HELQ: variants seen among roughly 807,000 people sequenced by gnomAD.
The protein encoded by HELQ is helicase, POLQ like.
In HELQ, 77 loss-of-function variants were observed where a neutral mutation model predicts 111.6. That is an observed-to-expected ratio of 0.69 (90% CI 0.57 to 0.83). The LOEUF (loss-of-function observed/expected upper bound fraction) is 0.83. HELQ is among the 40% of genes least tolerant of loss of function. The pLI, the probability that HELQ is intolerant of heterozygous loss-of-function variation, is 0.00. For synonymous variants in HELQ, 438 were observed against 454.7 expected, an observed-to-expected ratio of 0.96 and a Z score of 0.47; for missense variants, 1,200 against 1,288.5, an observed-to-expected ratio of 0.93 and a Z score of 1.05.
intron 5 of HELQ, among the ~76,000 whole-genome samples, chr4:83,445,126 G>C (rs1720984754): frequency 6.6e-6 from 1 of 152,212 alleles, no homozygotes; most frequent in Non-Finnish European, 1.5e-5. Context: ...GCTGGCTGGA[G>C]AGTGGTGGCT....
intron 8 of HELQ, among the ~76,000 whole-genome samples, chr4:83,439,488 T>G (rs1442962413): frequency 2.0e-5 from 3 of 151,956 alleles, no homozygotes; most frequent in Non-Finnish European, 2.9e-5. Flanking sequence ...GCCTCCCCAG[T>G]AGCTGGGATT....
intron 7 of HELQ, among the ~76,000 whole-genome samples, chr4:83,440,405 C>T (rs1720701481): frequency 6.6e-6 from 1 of 152,064 alleles, no homozygotes; most frequent in Non-Finnish European, 1.5e-5. Context: ...GTAAATAAGA[C>T]ATGCCCTTTA....
intron 16 of HELQ, 58 bp from the exon 17 acceptor site, chr4:83,416,923 T>C (rs72944430): frequency 0.088 from 131,882 of 1,492,568 alleles, 6,506 homozygotes; most frequent in Middle Eastern, 0.17. Flanking sequence ...AAAAGAAAAT[T>C]AAGCACTTTA....
chr4:83,440,011 G>A lies in HELQ; in HGVS notation c.1663-3C>T, dbSNP rs755792814. ...ATCTTTTTTAGGGTATCAGAATACT[G>A]CAAAACAACAAGATGTAGGAACAAA... On this transcript the variant is annotated splice_polypyrimidine_tract_variant and splice_region_variant and intron_variant, in intron 7 of 17. Coordinates refer to ENST00000295488, the MANE Select transcript of HELQ (RefSeq NM_133636.5). 1.4e-5 allele frequency: 23 copies of A among 1,603,492 alleles called. No individual in the cohort carries two copies. In the East Asian group the frequency reaches 4.0e-4, roughly 28 times the overall value.
At position 83,407,353 on chromosome 4, in the gene HELQ, A is replaced by T; in HGVS notation, c.*100T>A. 1.4e-6 allele frequency: 1 copy of T among 695,726 alleles called. No individual in the cohort carries two copies. Among genetic ancestry groups the T allele is most frequent in the South Asian group, 2.2e-5 (1 of 46,396 alleles). The allele number at this position is 695,726 out of a possible 1,614,324, so 43.1% of individuals were successfully genotyped here. Reference sequence around the variant, plus strand: ...AAACATTATTCGTAGTTCTTAATGTATAACTGAAATGTATTTTTTCATTTA... The same window carrying T: ...AAACATTATTCGTAGTTCTTAATGTTTAACTGAAATGTATTTTTTCATTTA... On this transcript the variant is annotated 3_prime_UTR_variant, in exon 18 of 18. Transcript: ENST00000295488.
chr4:83,429,715 A>G lies in HELQ; in HGVS notation c.2327T>C (p.Phe776Ser), dbSNP rs1560546696. The G allele has an allele frequency of 6.2e-7, 1 of 1,612,902 alleles. No homozygotes were observed. Among genetic ancestry groups the G allele is most frequent in the East Asian group, 2.2e-5 (1 of 44,786 alleles). The change falls in exon 12 of 18, where the codon TTC becomes TCC. Residue 776 changes from phenylalanine to serine, a missense_variant. Around this residue, in one of 3 missense-constraint regions of HELQ, gnomAD observed 585 missense variants for 665.3 expected, o/e 0.88. Transcript: ENST00000295488. Reference protein sequence around the residue: ...IATNLDDIYHFMNGTFFGVQQ... With the variant: ...IATNLDDIYHSMNGTFFGVQQ... ...AACACCAAAAAATGTACCATTCATG[A>G]AATGATAGATGTCATCAAGATTCGT...
chr4:83,454,800 G>T (rs1018550074), intron 1 of HELQ, among the ~76,000 whole-genome samples: 9 of 152,090 alleles, frequency 5.9e-5, no homozygotes, highest in Admixed American at 2.0e-4. Context: ...CAGCGCATTC[G>T]AAGTTTCTGA....
At chr4:83,447,090 GT>G in intron 3 of HELQ, 55 bp from the exon 4 acceptor site, 1 of 284,734 alleles carries the variant, frequency 3.5e-6, no homozygotes, top group Non-Finnish European at 5.2e-6. Flanking sequence ...GCCAATGCCT[GT>G]AATCCCAGTA....
At chr4:83,420,965 C>A (rs1179299084) in intron 15 of HELQ, among the ~76,000 whole-genome samples, 2 of 151,978 alleles carry the variant, frequency 1.3e-5, no homozygotes, top group Non-Finnish European at 2.9e-5. Context: ...TGCCACCACG[C>A]CTGGCTAATT....
chr4:83,416,691 C>G (rs377522283), intron 17 of HELQ, 40 bp downstream of exon 17: 23 of 1,598,244 alleles, frequency 1.4e-5, no homozygotes, highest in Non-Finnish European at 1.9e-5. Context: ...AATAACACTA[C>G]GCAAGATTAT....
intron 9 of HELQ, among the ~76,000 whole-genome samples, chr4:83,435,248 T>C (rs919717405): frequency 4.6e-5 from 7 of 152,166 alleles, no homozygotes; most frequent in African/African-American, 1.2e-4. Context: ...AAGTTGTTAC[T>C]ACATGAAAGG....
chr4:83,420,611 C>T (rs1355183918), intron 15 of HELQ, among the ~76,000 whole-genome samples: 2 of 152,076 alleles, frequency 1.3e-5, no homozygotes, highest in Non-Finnish European at 2.9e-5. Flanking sequence ...ATGGTGAAAC[C>T]CTATCTCTAC....
Position 83,453,632 on chromosome 4 carries a change from T to G in HELQ, c.611A>C (p.Glu204Ala). Residue 204 changes from glutamate to alanine, a missense_variant, in exon 2 of 18, where the codon GAA (glutamate) becomes GCA (alanine). Transcript: ENST00000295488. Reference sequence around the variant, plus strand: ...ATCATTTGAAGAGTTCTGCAAATTTTCAAAGTATATAGCCTGTGAGGAAGG... The same window carrying G: ...ATCATTTGAAGAGTTCTGCAAATTTGCAAAGTATATAGCCTGTGAGGAAGG... ...DVPSSQAIYF[E>A]NLQNSSNDLG... 1 of 1,613,334 alleles carries G rather than the reference T, an allele frequency of 6.2e-7. No individual in the cohort carries two copies. The highest frequency in any genetic ancestry group is 8.5e-7 in the Non-Finnish European group (1 of 1,179,338).
intron 17 of HELQ, among the ~76,000 whole-genome samples, chr4:83,410,757 T>G (rs2109958843): frequency 6.6e-6 from 1 of 152,260 alleles, no homozygotes; most frequent in South Asian, 2.1e-4. Flanking sequence ...TGATGCCACA[T>G]GACAGGTCTC....
At position 83,446,080 on chromosome 4, in the gene HELQ, T is replaced by G; in HGVS notation, c.1399A>C (p.Met467Leu). The change falls in exon 5 of 18, where the codon ATG (methionine) becomes CTG (leucine). Residue 467 changes from methionine to leucine, a missense_variant. This residue lies in a region of HELQ where 610 missense variants were observed against 607.1 expected (regional missense o/e 1.00). Coordinates refer to ENST00000295488, the MANE Select transcript of HELQ (RefSeq NM_133636.5). ...LGLVVVDELH[M>L]IGEGSRGATL... Reference sequence around the variant, plus strand: ...GCTCCACGGCTTCCTTCACCAATCATGTGCAACTTCGAGATTTTTTTTAAA... The same window carrying G: ...GCTCCACGGCTTCCTTCACCAATCAGGTGCAACTTCGAGATTTTTTTTAAA... 1 of 1,612,848 alleles carries G rather than the reference T, an allele frequency of 6.2e-7. No individual in the cohort carries two copies. The highest frequency in any genetic ancestry group is 8.5e-7 in the Non-Finnish European group (1 of 1,179,098).
chr4:83,434,302 C>T (rs2109991505), intron 9 of HELQ, among the ~76,000 whole-genome samples: 1 of 152,194 alleles, frequency 6.6e-6, no homozygotes, highest in African/African-American at 2.4e-5. Flanking sequence ...ACCCAGGAGA[C>T]AGAGGTTGCA....
chr4:83,419,933 A>C (rs1450995098), intron 15 of HELQ, among the ~76,000 whole-genome samples: 1 of 152,220 alleles, frequency 6.6e-6, no homozygotes, highest in Non-Finnish European at 1.5e-5. Flanking sequence ...TGATAGAATT[A>C]ATTGCCATAT....
chr4:83,445,176 T>A (rs1720986921), intron 5 of HELQ, among the ~76,000 whole-genome samples: 1 of 152,174 alleles, frequency 6.6e-6, no homozygotes, highest in African/African-American at 2.4e-5. Context: ...GGAAATGAGT[T>A]TGGCTCAGAC....
intron 9 of HELQ, among the ~76,000 whole-genome samples, chr4:83,433,348 CAA>C (rs1017689207): frequency 4.6e-5 from 7 of 151,952 alleles, no homozygotes; most frequent in African/African-American, 1.7e-4. Context: ...CAGAAAATTC[CAA>C]AGAGTATTAT....
Sources: gnomAD v4.1 joint callset for allele counts (sites outside exome capture counted in the v4.1 genomes callset) on GRCh38, gnomAD v4.1.1 for gene constraint, gnomAD v4.1.1 regional missense constraint, MANE v1.5 for transcripts, NCBI Gene and HGNC (gene_info 2026-07-23, HGNC 2026-07-21) for gene names.